Variants in PLXNA4 observed in about 807,000 individuals in gnomAD.
PLXNA4 encodes the protein plexin A4.
Under a neutral mutation model 191.8 loss-of-function variants are expected in PLXNA4, and 44 were observed. That is an observed-to-expected ratio of 0.23 (90% CI 0.18 to 0.29). The LOEUF is 0.29. PLXNA4 is among the 10% of genes least tolerant of loss of function. The pLI is 1.00. For missense variants in PLXNA4, 1,800 were observed against 2,488.8 expected, an observed-to-expected ratio of 0.72 and a Z score of 5.89; for synonymous variants, 1,082 against 1,009.5, an observed-to-expected ratio of 1.07 and a Z score of -1.36.
intron 3 of PLXNA4, among the ~76,000 whole-genome samples, chr7:132,358,916 T>C (rs1403260703): frequency 6.6e-6 from 1 of 152,126 alleles, no homozygotes; most frequent in African/African-American, 2.4e-5. Flanking sequence ...TCTTGCAGGC[T>C]ACATAAGGGG....
At chr7:132,210,824 A>AG (rs1797774594) in intron 10 of PLXNA4, 119 bp downstream of exon 10, 1 of 1,108,498 alleles carries the variant, frequency 9.0e-7, no homozygotes, top group Non-Finnish European at 1.3e-6. Context: ...GCAGGTAGGC[A>AG]GTTTTGTGCG....
intron 1 of PLXNA4, among the ~76,000 whole-genome samples, chr7:132,541,032 G>A (rs1466249587): frequency 6.6e-6 from 1 of 152,198 alleles, no homozygotes. Context: ...GTAATCAGTA[G>A]AATCAATAAA....
chr7:132,361,651 G>A (rs1803947592), intron 3 of PLXNA4, among the ~76,000 whole-genome samples: 1 of 152,212 alleles, frequency 6.6e-6, no homozygotes, highest in Non-Finnish European at 1.5e-5. Flanking sequence ...GCAGGAACAG[G>A]GAGTGAGGCC....
chr7:132,599,322 A>G (rs1282053742), intron 2 of PLXNA4, among the ~76,000 whole-genome samples: 1 of 152,176 alleles, frequency 6.6e-6, no homozygotes. Flanking sequence ...GGTTAATTGG[A>G]GACTAATTGA....
intron 10 of PLXNA4, among the ~76,000 whole-genome samples, chr7:132,209,291 C>T (rs1156841021): frequency 2.0e-5 from 3 of 152,214 alleles, no homozygotes; most frequent in Non-Finnish European, 2.9e-5. Context: ...CAGCTTCTCT[C>T]AAGAAACAAG....
rs527836842 is a variant in PLXNA4, at chr7:132,626,248, C to G, written c.-87+19680G>C. On this transcript the variant is annotated intron_variant, in intron 2 of 4. Transcript: ENST00000378539. ...CTAGGTCAAGCCCTCATCACATCAT[C>G]TTTTCTTACCTACTGTAGTGGACAC... Among the ~76,000 whole-genome samples, 8 of 152,348 alleles carry G rather than the reference C, an allele frequency of 5.3e-5. 1 individual carries two copies. The highest frequency in any genetic ancestry group is 1.9e-4 in the African/African-American group (8 of 41,594).
At chr7:132,454,331 A>G (rs1265619859) in intron 3 of PLXNA4, among the ~76,000 whole-genome samples, 1 of 152,160 alleles carries the variant, frequency 6.6e-6, no homozygotes, top group African/African-American at 2.4e-5. Flanking sequence ...TTGCCTTCTT[A>G]AGAACAACAA....
Position 132,419,739 on chromosome 7 carries a change from T to C in PLXNA4, c.1371+69553A>G, listed in dbSNP as rs534412728. 2.0e-5 allele frequency among the ~76,000 whole-genome samples: 3 copies of C among 152,324 alleles called. No homozygotes were observed. The South Asian group carries it at 6.2e-4, about 32-fold the overall frequency. ...TCTGTAAAGGCCAGATAAGAAATAT[T>C]CTCAGCTTTGCAGGCCATATGGTCT... On this transcript the variant is annotated intron_variant, in intron 3 of 31. Transcript: ENST00000321063.
In PLXNA4 at chr7:132,198,662, G is replaced by C. The variant is rs1224220845; in HGVS notation, c.2587-26C>G. ...CTGGAGGGAGGAAGAGAAATAATTA[G>C]ACAAACACCAAGATACTGCCACTCA... On this transcript the variant is annotated intron_variant, in intron 12 of 31. Coordinates refer to ENST00000321063, the MANE Select transcript of PLXNA4 (RefSeq NM_020911.2). The C allele has an allele frequency of 3.7e-6, 6 of 1,612,588 alleles. No individual in the cohort carries two copies. The East Asian group carries it at 1.3e-4, about 36-fold the overall frequency.
At chr7:132,362,267 T>A (rs1250124364) in intron 3 of PLXNA4, among the ~76,000 whole-genome samples, 1 of 152,216 alleles carries the variant, frequency 6.6e-6, no homozygotes, top group Non-Finnish European at 1.5e-5. Context: ...GGGATCCTAT[T>A]GATGTGGTAG....
intron 21 of PLXNA4, 135 bp from the exon 22 acceptor site, chr7:132,168,707 C>A: frequency 1.5e-6 from 2 of 1,291,202 alleles, no homozygotes; most frequent in Non-Finnish European, 2.0e-6. Flanking sequence ...CTAATGCTGT[C>A]AAGCCCTTAG....
chr7:132,340,088 C>G (rs2116739672), intron 3 of PLXNA4, among the ~76,000 whole-genome samples: 1 of 152,276 alleles, frequency 6.6e-6, no homozygotes, highest in Non-Finnish European at 1.5e-5. Flanking sequence ...TTTACATTCT[C>G]TAGGTCTCAT....
chr7:132,478,104 G>T (rs1563122178), intron 3 of PLXNA4, among the ~76,000 whole-genome samples: 1 of 152,140 alleles, frequency 6.6e-6, no homozygotes, highest in Non-Finnish European at 1.5e-5. Flanking sequence ...AGGGTCCCCA[G>T]CTGCCACACT....
intron 3 of PLXNA4, among the ~76,000 whole-genome samples, chr7:132,484,376 C>A (rs913045545): frequency 6.6e-6 from 1 of 152,220 alleles, no homozygotes; most frequent in Non-Finnish European, 1.5e-5. Flanking sequence ...CGCTGGCACA[C>A]CTGTGGGATC....
At chr7:132,199,261 T>C (rs1446039381) in intron 12 of PLXNA4, among the ~76,000 whole-genome samples, 1 of 152,232 alleles carries the variant, frequency 6.6e-6, no homozygotes, top group East Asian at 1.9e-4. Flanking sequence ...TAACCATCTT[T>C]ATGTCTTGCG....
chr7:132,624,305 T>A (rs1262394611), intron 2 of PLXNA4, among the ~76,000 whole-genome samples: 26 of 152,142 alleles, frequency 1.7e-4, no homozygotes, highest in Admixed American at 1.5e-3. Context: ...TTCATTAAGA[T>A]CATAGCAATA....
At chr7:132,605,522 A>G (rs1802906659) in intron 2 of PLXNA4, among the ~76,000 whole-genome samples, 1 of 152,144 alleles carries the variant, frequency 6.6e-6, no homozygotes, top group Admixed American at 6.6e-5. Context: ...GGGGCCTGTT[A>G]GGAAGTGGGT....
chr7:132,428,521 C>T (rs867646736), intron 3 of PLXNA4, among the ~76,000 whole-genome samples: 3 of 152,136 alleles, frequency 2.0e-5, no homozygotes, highest in Admixed American at 6.5e-5. Context: ...CTCTAGGGCC[C>T]GAGAGCAGGC....
At chr7:132,437,532 C>T (rs964324090) in intron 3 of PLXNA4, among the ~76,000 whole-genome samples, 1 of 137,788 alleles carries the variant, frequency 7.3e-6, no homozygotes, top group African/African-American at 2.8e-5. Context: ...AGCTCGGGAT[C>T]ACAAATGGAA....
Sources: allele counts gnomAD v4.1 joint callset (sites outside exome capture counted in the v4.1 genomes callset), GRCh38; gene constraint gnomAD v4.1.1; transcripts MANE v1.5; gene names NCBI Gene and HGNC (gene_info 2026-07-23, HGNC 2026-07-21).